Variants in AGBL4 observed in about 807,000 individuals in gnomAD.
The protein encoded by AGBL4 is cytosolic carboxypeptidase 6.
AGBL4 carries 58 observed loss-of-function variants against 66.4 expected under a neutral mutation model. The ratio of observed to expected loss-of-function variants is 0.87; its 90% CI spans 0.71 to 1.09. The LOEUF is 1.09. Among genes scored for constraint, AGBL4 ranks in the 50% least tolerant of loss-of-function variants. The pLI is 0.00. For synonymous variants in AGBL4, 234 were observed against 222.9 expected (o/e 1.05, Z -0.44); for missense variants, 579 against 631.0 (o/e 0.92, Z 0.88).
At chr1:50,007,690 C>T (rs1661239186) in intron 1 of AGBL4, among the ~76,000 whole-genome samples, 1 of 152,094 alleles carries the variant, frequency 6.6e-6, no homozygotes, top group Admixed American at 6.5e-5. Flanking sequence ...TTGCTTGAAC[C>T]CAGGATGTCA....
chr1:49,744,176 T>C (rs1650799564), intron 2 of AGBL4, among the ~76,000 whole-genome samples: 1 of 152,156 alleles, frequency 6.6e-6, no homozygotes, highest in African/African-American at 2.4e-5. Context: ...TGGAGGTGGT[T>C]GGATCATGAG....
chr1:49,025,564 G>A (rs1040361408), intron 5 of AGBL4: 12 of 152,108 alleles, frequency 7.9e-5, no homozygotes, highest in African/African-American at 2.9e-4. Flanking sequence ...CTATTACACA[G>A]ATAAAAGAAA....
At chr1:49,910,911 G>C (rs1650757759) in intron 1 of AGBL4, among the ~76,000 whole-genome samples, 2 of 152,318 alleles carry the variant, frequency 1.3e-5, no homozygotes, top group South Asian at 4.1e-4. Context: ...AGGAGATGGA[G>C]GTTGCAGTGA....
intron 6 of AGBL4, among the ~76,000 whole-genome samples, chr1:48,755,188 G>A (rs1257503769): frequency 1.3e-5 from 2 of 152,116 alleles, no homozygotes; most frequent in Non-Finnish European, 2.9e-5. Context: ...TCCAAGGTGC[G>A]CCATTACAAC....
At chr1:48,583,081 C>T (rs1479955733) in intron 11 of AGBL4, among the ~76,000 whole-genome samples, 2 of 152,180 alleles carry the variant, frequency 1.3e-5, no homozygotes, top group Admixed American at 6.5e-5. Context: ...ATGACAGAAA[C>T]AAGAAACTCC....
At chr1:48,974,486 G>A (rs747963057) in intron 5 of AGBL4, among the ~76,000 whole-genome samples, 4 of 152,128 alleles carry the variant, frequency 2.6e-5, no homozygotes, top group Non-Finnish European at 5.9e-5. Context: ...TAGACCTGAG[G>A]AGGAGATATG....
chr1:50,023,004 T>C (rs1227284731), intron 1 of AGBL4, among the ~76,000 whole-genome samples: 1 of 152,164 alleles, frequency 6.6e-6, no homozygotes. Flanking sequence ...TCAGTCTTCC[T>C]GTCCCTTAAA....
At chr1:49,839,004 G>T (rs924558818) in intron 2 of AGBL4, among the ~76,000 whole-genome samples, 1 of 152,176 alleles carries the variant, frequency 6.6e-6, no homozygotes, top group East Asian at 1.9e-4. Flanking sequence ...ATGCAAACAG[G>T]TTTCAATATG....
At chr1:49,208,735 A>G (rs758292872) in intron 4 of AGBL4, among the ~76,000 whole-genome samples, 2 of 152,142 alleles carry the variant, frequency 1.3e-5, no homozygotes, top group Admixed American at 6.6e-5. Context: ...ATTTATTTAA[A>G]GCTATAAAAA....
At position 48,539,337 on chromosome 1, in the gene AGBL4, C is replaced by T. The variant is rs540798137; in HGVS notation, c.1364+305G>A. The stretch of plus-strand genomic sequence containing the variant: ...GGATGAGGTATCAGGAGAGGTAGCA[C>T]ATAGAAACACCCAAATTTAGAACAA... On this transcript the variant is annotated intron_variant, in intron 12 of 13. Transcript: ENST00000371839. 7.9e-5 allele frequency among the ~76,000 whole-genome samples: 12 copies of T among 152,274 alleles called. No homozygotes were observed. The South Asian group carries it at 1.9e-3, about 24-fold the overall frequency.
chr1:49,512,205 G>T (rs1039753115), intron 3 of AGBL4, among the ~76,000 whole-genome samples: 2 of 151,986 alleles, frequency 1.3e-5, no homozygotes, highest in Non-Finnish European at 2.9e-5. Flanking sequence ...CTTAAAATGT[G>T]TAAGAAGAGG....
chr1:48,613,298 T>G (rs543543349), intron 9 of AGBL4, among the ~76,000 whole-genome samples: 2 of 152,302 alleles, frequency 1.3e-5, no homozygotes, highest in South Asian at 2.1e-4. Context: ...TAGATATATC[T>G]AATTTTTTCA....
intron 4 of AGBL4, among the ~76,000 whole-genome samples, chr1:49,224,631 A>AG: frequency 1.3e-5 from 2 of 151,746 alleles, no homozygotes; most frequent in South Asian, 2.1e-4. Flanking sequence ...AAAAAAAAAA[A>AG]AAAAAGAAAT....
chr1:49,979,586 A>C (rs981684715), intron 1 of AGBL4, among the ~76,000 whole-genome samples: 1 of 152,212 alleles, frequency 6.6e-6, no homozygotes, highest in Admixed American at 6.5e-5. Flanking sequence ...TAACAGTAGT[A>C]CATACTGTAC....
intron 1 of AGBL4, among the ~76,000 whole-genome samples, chr1:49,912,739 G>GA (rs945018903): frequency 1.3e-3 from 189 of 150,438 alleles, no homozygotes; most frequent in African/African-American, 3.8e-3. Context: ...TAGTTTATAA[G>GA]AAAAAAAAAC....
intron 4 of AGBL4, among the ~76,000 whole-genome samples, chr1:49,167,168 T>C (rs985721684): frequency 6.6e-6 from 1 of 152,206 alleles, no homozygotes; most frequent in Non-Finnish European, 1.5e-5. Flanking sequence ...ACAAGTTTCT[T>C]AACAAGATAA....
At chr1:49,492,228 C>A (rs887064264) in intron 3 of AGBL4, among the ~76,000 whole-genome samples, 3 of 151,688 alleles carry the variant, frequency 2.0e-5, no homozygotes, top group Admixed American at 2.0e-4. Flanking sequence ...GATCATAGAG[C>A]CATAGCAATA....
rs114045402 is a variant in AGBL4, at chr1:48,681,222, C to T, written c.635-17981G>A. On this transcript the variant is annotated intron_variant, in intron 6 of 13. Transcript: ENST00000371839. ...ATATCTGTAAAATAGGGATAGGGAC[C>T]GCTGCCTCTCAAGGATATATTGTAT... 3.7e-3 allele frequency among the ~76,000 whole-genome samples: 559 copies of T among 152,204 alleles called. 3 individuals carry two copies. Among genetic ancestry groups the T allele is most frequent in the African/African-American group, 0.013 (537 of 41,520 alleles).
intron 3 of AGBL4, among the ~76,000 whole-genome samples, chr1:49,642,792 A>G (rs937152099): frequency 1.3e-5 from 2 of 152,042 alleles, no homozygotes; most frequent in African/African-American, 2.4e-5. Flanking sequence ...AACATTTAAC[A>G]GTTTATAAGA....
Sources: allele counts gnomAD v4.1 joint callset (sites outside exome capture counted in the v4.1 genomes callset), GRCh38; gene constraint gnomAD v4.1.1; transcripts MANE v1.5; gene names NCBI Gene and HGNC (gene_info 2026-07-23, HGNC 2026-07-21).